The following MTMR7 variants were observed in gnomAD, a reference collection of about 807,000 sequenced individuals.
MTMR7 encodes the protein phosphatidylinositol-3-phosphate phosphatase MTMR7.
Under a neutral mutation model 81.2 loss-of-function variants are expected in MTMR7, and 76 were observed. The observed-to-expected ratio is 0.94, with a 90% CI of 0.78 to 1.13. The LOEUF (loss-of-function observed/expected upper bound fraction) is 1.13. Among genes scored for constraint, MTMR7 ranks in the 50% most tolerant of loss-of-function variants. The pLI is 0.00. For synonymous variants in MTMR7, 372 were observed against 289.8 expected (o/e 1.28, Z -2.88); for missense variants, 1,044 against 820.0 (o/e 1.27, Z -3.34).
intron 7 of MTMR7, among the ~76,000 whole-genome samples, chr8:17,320,218 C>T (rs1457041316): frequency 6.6e-6 from 1 of 152,030 alleles, no homozygotes; most frequent in Admixed American, 6.5e-5. Flanking sequence ...ATGTTTTCTG[C>T]ACTTGTGTCT....
At chr8:17,310,717 G>A (rs796939721) in intron 9 of MTMR7, among the ~76,000 whole-genome samples, 4 of 152,160 alleles carry the variant, frequency 2.6e-5, no homozygotes, top group South Asian at 2.1e-4. Context: ...GCTCTTGTCC[G>A]AGGGTGTTGC....
At chr8:17,411,241 T>C (rs1205067600) in intron 1 of MTMR7, among the ~76,000 whole-genome samples, 1 of 152,248 alleles carries the variant, frequency 6.6e-6, no homozygotes, top group African/African-American at 2.4e-5. Context: ...TATATATTTA[T>C]ACAAGTACAT....
intron 1 of MTMR7, among the ~76,000 whole-genome samples, chr8:17,401,034 G>C (rs1306964821): frequency 6.6e-6 from 1 of 152,128 alleles, no homozygotes; most frequent in Non-Finnish European, 1.5e-5. Flanking sequence ...CATTCATTCA[G>C]TGTTGTATAT....
chr8:17,368,679 T>C (rs540430230), intron 3 of MTMR7, among the ~76,000 whole-genome samples: 40 of 152,310 alleles, frequency 2.6e-4, no homozygotes, highest in African/African-American at 9.4e-4. Flanking sequence ...ATGTTAGCAA[T>C]GCCTTTAACA....
chr8:17,305,758 T>A lies in MTMR7; in HGVS notation c.1351A>T (p.Lys451Ter). 6.2e-7 allele frequency: 1 copy of A among 1,606,188 alleles called. No individual in the cohort carries two copies. Among genetic ancestry groups the A allele is most frequent in the Non-Finnish European group, 8.5e-7 (1 of 1,173,608 alleles). The change falls in exon 11 of 14, where the codon AAG becomes TAG. Residue 451 changes from lysine to a stop codon, truncating the protein, a stop_gained and splice_region_variant. Coordinates refer to ENST00000180173, the MANE Select transcript of MTMR7 (RefSeq NM_004686.5). LOFTEE classifies it high-confidence loss of function. The stretch of plus-strand genomic sequence containing the variant: ...CACCAAAAACACCAAAACACTTACT[T>A]GAGTTCTCGTCTCTCCTTTTGGCTG... ...CNSQKERREL[K>*]IQERTYSLWA...
At chr8:17,310,557 A>G (rs907203087) in intron 9 of MTMR7, among the ~76,000 whole-genome samples, 5 of 152,152 alleles carry the variant, frequency 3.3e-5, no homozygotes, top group South Asian at 2.1e-4. Flanking sequence ...TCCAAATGCA[A>G]ATGAAGCAAT....
At chr8:17,367,875 T>G (rs1200669004) in intron 3 of MTMR7, among the ~76,000 whole-genome samples, 7 of 151,782 alleles carry the variant, frequency 4.6e-5, no homozygotes, top group African/African-American at 1.2e-4. Flanking sequence ...GGGGTTTTTT[T>G]TTTTTTTTTC....
chr8:17,342,429 G>A (rs1045717605), intron 5 of MTMR7, among the ~76,000 whole-genome samples: 1 of 152,180 alleles, frequency 6.6e-6, no homozygotes, highest in Admixed American at 6.5e-5. Flanking sequence ...AAGTTTCACT[G>A]CAAATAGTCC....
chr8:17,401,460 AG>A (rs1391117783), intron 1 of MTMR7, among the ~76,000 whole-genome samples: 13 of 152,136 alleles, frequency 8.5e-5, no homozygotes, highest in African/African-American at 2.9e-4. Flanking sequence ...GGGGCAGATA[AG>A]GTATAGAATT....
intron 5 of MTMR7, among the ~76,000 whole-genome samples, chr8:17,344,008 T>C (rs1395230241): frequency 2.0e-5 from 3 of 152,200 alleles, no homozygotes; most frequent in Admixed American, 2.0e-4. Context: ...ATAATTAAAA[T>C]ATTCAACATT....
chr8:17,348,958 T>C lies in MTMR7; in HGVS notation c.592A>G (p.Asn198Asp), dbSNP rs1430160932. ...AAACACGCCTCGAGACTTACGTGGT[T>C]ATCTTTATAATAGTAAGAAAGGACA... is the stretch of plus-strand genomic sequence containing the variant. ...FPVLSYYYKD[N>D]HASICRSSQP... Residue 198 changes from asparagine to aspartate, a missense_variant, in exon 5 of 14, where the codon AAC (asparagine) becomes GAC (aspartate). Physicochemically the swap from Asn to Asp is conservative, Grantham distance 23. Transcript: ENST00000180173. The C allele has an allele frequency of 6.2e-7, 1 of 1,613,732 alleles. No individual in the cohort carries two copies. The highest frequency in any genetic ancestry group is 8.5e-7 in the Non-Finnish European group (1 of 1,179,938).
At chr8:17,367,461 G>A (rs1041288760) in intron 3 of MTMR7, among the ~76,000 whole-genome samples, 3 of 152,120 alleles carry the variant, frequency 2.0e-5, no homozygotes, top group Non-Finnish European at 2.9e-5. Flanking sequence ...AGATCTACAA[G>A]GTTAACTGAT....
chr8:17,313,727 T>C (rs1416186490), intron 7 of MTMR7, among the ~76,000 whole-genome samples: 1 of 152,126 alleles, frequency 6.6e-6, no homozygotes, highest in East Asian at 1.9e-4. Flanking sequence ...AGCAAAGTAA[T>C]TAAAAATGGG....
At position 17,297,780 on chromosome 8, in the gene MTMR7, A is replaced by G. The variant is rs1212266114; in HGVS notation, c.*2082T>C. The G allele has an allele frequency of 6.6e-6, 1 of 152,038 alleles. No homozygotes were observed. Among genetic ancestry groups the G allele is most frequent in the Admixed American group, 6.5e-5 (1 of 15,268 alleles). The allele number at this position is 152,038 out of a possible 1,614,324, so 9.4% of individuals were successfully genotyped here. On this transcript the variant is annotated 3_prime_UTR_variant, in exon 14 of 14. Transcript: ENST00000180173. The stretch of plus-strand genomic sequence containing the variant: ...TTAGCCATGCTCTGAAGAATCTGTG[A>G]AAGTACAGTAAAGTTTTAATAAGCA...
intron 1 of MTMR7, among the ~76,000 whole-genome samples, chr8:17,399,610 A>T (rs1821361750): frequency 6.6e-6 from 1 of 152,190 alleles, no homozygotes; most frequent in Non-Finnish European, 1.5e-5. Context: ...GCCACTCTTG[A>T]CAGAAATAGA....
Position 17,359,241 on chromosome 8 carries a change from A to G in MTMR7, c.468+1876T>C, listed in dbSNP as rs542827455. On this transcript the variant is annotated intron_variant, in intron 4 of 13. Coordinates refer to ENST00000180173, the MANE Select transcript of MTMR7 (RefSeq NM_004686.5). ...GAAATACTTTAGTACTTTACAGTAC[A>G]TTCATTTGACGGACTACTGTACAAT... Among the ~76,000 whole-genome samples the G allele has an allele frequency of 4.6e-5, 7 of 152,252 alleles. No homozygotes were observed. In the South Asian group the frequency reaches 6.2e-4, roughly 14 times the overall value.
At chr8:17,306,084 G>C (rs1817436314) in intron 10 of MTMR7, 127 bp from the exon 11 acceptor site, 1 of 729,868 alleles carries the variant, frequency 1.4e-6, no homozygotes, top group African/African-American at 1.8e-5. Context: ...AACTTGGAAT[G>C]ACAAAAAAGG....
chr8:17,333,163 A>C (rs1004038954), intron 6 of MTMR7, among the ~76,000 whole-genome samples: 1 of 152,184 alleles, frequency 6.6e-6, no homozygotes, highest in Non-Finnish European at 1.5e-5. Flanking sequence ...GCCCCTCAGG[A>C]CACTGTTCCC....
At chr8:17,362,930 C>T (rs926473950) in intron 3 of MTMR7, among the ~76,000 whole-genome samples, 3 of 152,170 alleles carry the variant, frequency 2.0e-5, no homozygotes, top group Admixed American at 6.5e-5. Flanking sequence ...ATTTTAAGCA[C>T]CAGATTTCTT....
Sources: gnomAD v4.1 joint callset for allele counts (sites outside exome capture counted in the v4.1 genomes callset) on GRCh38, gnomAD v4.1.1 for gene constraint, MANE v1.5 for transcripts, NCBI Gene and HGNC (gene_info 2026-07-23, HGNC 2026-07-21) for gene names.